SDK1: variants seen among roughly 807,000 people sequenced by gnomAD.
SDK1 encodes the protein protein sidekick-1.
Under a neutral mutation model 245.5 loss-of-function variants are expected in SDK1, and 157 were observed. The ratio of observed to expected loss-of-function variants is 0.64; its 90% CI spans 0.56 to 0.73. The LOEUF (loss-of-function observed/expected upper bound fraction) is 0.73. Ranked by LOEUF, SDK1 falls within the 30% of genes least tolerant of loss-of-function variation. The pLI is 0.00. For synonymous variants in SDK1, 1,647 were observed against 1,278.5 expected (o/e 1.29, Z -6.15); for missense variants, 3,583 against 3,002.3 (o/e 1.19, Z -4.52).
rs141927575 is a variant in SDK1, at chr7:3,954,747, G to C, written c.1150+2827G>C. On this transcript the variant is annotated intron_variant, in intron 7 of 44. Transcript: ENST00000404826. ...GTTTCCACATCCATAAAATGGAGAT[G>C]GATGTAGATGGTACCAGCTCATATT... Among the ~76,000 whole-genome samples the C allele has an allele frequency of 3.1e-4, 46 of 150,340 alleles. No homozygotes were observed. The East Asian group carries it at 5.7e-3, about 19-fold the overall frequency.
At chr7:3,339,946 G>T (rs77095896) in intron 1 of SDK1, among the ~76,000 whole-genome samples, 1 of 151,936 alleles carries the variant, frequency 6.6e-6, no homozygotes, top group Non-Finnish European at 1.5e-5. Flanking sequence ...ATGAAATTTA[G>T]CAAGACTGAC....
chr7:3,625,206 T>G (rs536368554), intron 2 of SDK1, among the ~76,000 whole-genome samples: 62 of 152,276 alleles, frequency 4.1e-4, no homozygotes, highest in African/African-American at 1.3e-3. Flanking sequence ...AAGGGAATAT[T>G]TGAATGATCT....
chr7:3,665,537 T>G (rs1783498005), intron 4 of SDK1, among the ~76,000 whole-genome samples: 1 of 152,188 alleles, frequency 6.6e-6, no homozygotes, highest in African/African-American at 2.4e-5. Flanking sequence ...GAAGTATTTG[T>G]TTGGTTGAAT....
intron 32 of SDK1, among the ~76,000 whole-genome samples, chr7:4,169,547 C>T (rs536376586): frequency 5.6e-4 from 86 of 152,342 alleles, no homozygotes; most frequent in Non-Finnish European, 9.4e-4. Context: ...TGGCAGTGAG[C>T]TCGCCGTCTC....
chr7:4,000,415 A>C (rs554162411), intron 14 of SDK1, among the ~76,000 whole-genome samples: 1 of 152,230 alleles, frequency 6.6e-6, no homozygotes, highest in South Asian at 2.1e-4. Context: ...CTTTTGGAGC[A>C]CGTTCTCTGA....
chr7:4,080,219 A>G (rs1461832773), intron 22 of SDK1, among the ~76,000 whole-genome samples: 1 of 151,898 alleles, frequency 6.6e-6, no homozygotes, highest in Non-Finnish European at 1.5e-5. Flanking sequence ...GTTCCACAGG[A>G]CTTGAGAGAG....
At chr7:3,640,365 T>C (rs528219331) in intron 3 of SDK1, among the ~76,000 whole-genome samples, 2 of 152,320 alleles carry the variant, frequency 1.3e-5, no homozygotes, top group East Asian at 3.9e-4. Context: ...TCAGTGTGAG[T>C]AGATGAAATA....
chr7:3,672,752 T>C (rs1489899989), intron 4 of SDK1, among the ~76,000 whole-genome samples: 1 of 84,882 alleles, frequency 1.2e-5, no homozygotes, highest in Non-Finnish European at 2.1e-5. Flanking sequence ...TTTTATAATA[T>C]ATAATTTTAT....
intron 1 of SDK1, among the ~76,000 whole-genome samples, chr7:3,418,145 G>GAAAAAAAAAAAAAAAAAAA (rs200914826): frequency 7.5e-5 from 9 of 119,726 alleles, no homozygotes; most frequent in African/African-American, 2.7e-4. Context: ...TACTAAAAAT[G>GAAAAAAAAAAAAAAAAAAA]AAAAAAAAAA....
chr7:3,638,749 C>T (rs1263731146), intron 2 of SDK1, among the ~76,000 whole-genome samples: 1 of 149,398 alleles, frequency 6.7e-6, no homozygotes, highest in East Asian at 2.0e-4. Flanking sequence ...CTAACCTGCA[C>T]GTTGTGCACA....
At chr7:4,196,248 C>T (rs1053096427) in intron 35 of SDK1, among the ~76,000 whole-genome samples, 1 of 152,182 alleles carries the variant, frequency 6.6e-6, no homozygotes, top group Non-Finnish European at 1.5e-5. Flanking sequence ...GCCTCTGTCA[C>T]TCTTCTTCCT....
chr7:4,131,955 C>T (rs889363576), intron 27 of SDK1, among the ~76,000 whole-genome samples: 2 of 152,272 alleles, frequency 1.3e-5, no homozygotes, highest in Admixed American at 6.5e-5. Context: ...AATCCGAGCT[C>T]AGATGAGGGA....
Position 3,615,688 on chromosome 7 carries a change from C to G in SDK1, c.299-3392C>G, listed in dbSNP as rs183841330. On this transcript the variant is annotated intron_variant, in intron 1 of 44. Transcript: ENST00000404826. ...AATCCTTCTTGACATCTCCCTCTCC[C>G]TCACATCCATAACCAATCTATCACT... 2.5e-3 allele frequency among the ~76,000 whole-genome samples: 385 copies of G among 151,724 alleles called. 17 individuals are homozygous for G. Among genetic ancestry groups the G allele is most frequent in the South Asian group, 0.018 (85 of 4,798 alleles).
rs143403678 is a variant in SDK1 at position 3,961,842 on chromosome 7, C to T, written c.1235-815C>T. The stretch of plus-strand genomic sequence containing the variant: ...ACATATGTAAATGTACACACATGCA[C>T]ATATATGCACCACCTCACACAGACA... On this transcript the variant is annotated intron_variant, in intron 8 of 44. Coordinates refer to ENST00000404826, the MANE Select transcript of SDK1 (RefSeq NM_152744.4). 1.9e-3 allele frequency among the ~76,000 whole-genome samples: 288 copies of T among 152,244 alleles called. 2 individuals carry two copies. Among genetic ancestry groups the T allele is most frequent in the African/African-American group, 6.6e-3 (274 of 41,506 alleles).
chr7:3,502,050 A>G (rs1782231752), intron 1 of SDK1, among the ~76,000 whole-genome samples: 1 of 152,140 alleles, frequency 6.6e-6, no homozygotes, highest in Non-Finnish European at 1.5e-5. Context: ...GCTTACTGCC[A>G]TTTGATTTCT....
intron 32 of SDK1, among the ~76,000 whole-genome samples, chr7:4,162,388 TTATTATTATTA>T (rs538542389): frequency 6.1e-5 from 8 of 130,760 alleles, no homozygotes; most frequent in Non-Finnish European, 8.7e-5. Flanking sequence ...ATTATTATTA[TTATTATTATTA>T]TTATTATTAT....
At chr7:3,751,991 A>G (rs1251454651) in intron 4 of SDK1, among the ~76,000 whole-genome samples, 3 of 152,254 alleles carry the variant, frequency 2.0e-5, no homozygotes, top group African/African-American at 7.2e-5. Context: ...TAGGCAGAAG[A>G]GGAAACAAGC....
At chr7:4,260,269 C>G (rs903756350) in intron 44 of SDK1, among the ~76,000 whole-genome samples, 10 of 141,852 alleles carry the variant, frequency 7.0e-5, no homozygotes, top group Non-Finnish European at 1.5e-5. Context: ...GCTGGCTGCT[C>G]CAGGGCCTCG....
intron 1 of SDK1, among the ~76,000 whole-genome samples, chr7:3,484,828 G>A (rs1166347413): frequency 1.3e-5 from 2 of 152,180 alleles, no homozygotes; most frequent in Admixed American, 6.5e-5. Context: ...GCAAATGACA[G>A]CATTTCATTT....
Sources: gnomAD v4.1 joint callset for allele counts (sites outside exome capture counted in the v4.1 genomes callset) on GRCh38, gnomAD v4.1.1 for gene constraint, MANE v1.5 for transcripts, NCBI Gene and HGNC (gene_info 2026-07-23, HGNC 2026-07-21) for gene names.